The following LRP1B variants were observed in gnomAD, a reference collection of about 807,000 sequenced individuals.
LRP1B encodes LDL receptor related protein 1B, also known as low-density lipoprotein receptor-related protein 1B.
A neutral mutation model predicts 556.6 loss-of-function variants in LRP1B; 217 were observed. The ratio of observed to expected loss-of-function variants is 0.39; its 90% CI spans 0.35 to 0.44. LRP1B has a LOEUF of 0.44. LRP1B is among the 20% of genes least tolerant of loss of function. The pLI is 1.00. For synonymous variants in LRP1B, 2,047 were observed against 1,865.8 expected (o/e 1.10, Z -2.50); for missense variants, 5,053 against 5,620.8 (o/e 0.90, Z 3.23).
At chr2:141,810,153 G>GAAGT (rs1440257074) in intron 2 of LRP1B, 126 bp downstream of exon 2, 129 of 436,750 alleles carry the variant, frequency 3.0e-4, no homozygotes, top group Non-Finnish European at 1.3e-4. Context: ...AAGAAAGAAA[G>GAAGT]AAAGAAAGAA....
intron 35 of LRP1B, among the ~76,000 whole-genome samples, chr2:140,764,817 A>G (rs977506537): frequency 3.3e-5 from 5 of 152,164 alleles, no homozygotes; most frequent in Non-Finnish European, 5.9e-5. Flanking sequence ...CGTTAACATT[A>G]GGGTTCACTC....
chr2:140,932,474 T>C (rs1194631609), intron 20 of LRP1B, among the ~76,000 whole-genome samples: 1 of 152,132 alleles, frequency 6.6e-6, no homozygotes, highest in Non-Finnish European at 1.5e-5. Context: ...AAGCCTAAAA[T>C]ATTTACTGTC....
chr2:141,825,092 G>C (rs2105736073), intron 1 of LRP1B, among the ~76,000 whole-genome samples: 1 of 152,328 alleles, frequency 6.6e-6, no homozygotes, highest in African/African-American at 2.4e-5. Context: ...GCGGAACTGT[G>C]AGTCAATTAA....
intron 63 of LRP1B, among the ~76,000 whole-genome samples, chr2:140,445,746 A>G (rs1414719915): frequency 6.6e-6 from 1 of 152,166 alleles, no homozygotes; most frequent in Non-Finnish European, 1.5e-5. Context: ...TTTTAGCAAG[A>G]GTAAACTAAA....
rs1004536452 is a variant in LRP1B at position 140,929,774 on chromosome 2, A to G, written c.3137-6627T>C. 1.9e-3 allele frequency among the ~76,000 whole-genome samples: 293 copies of G among 151,426 alleles called. 2 individuals carry two copies. The highest frequency in any genetic ancestry group is 6.4e-3 in the African/African-American group (265 of 41,322). On this transcript the variant is annotated intron_variant, in intron 20 of 90. Coordinates refer to ENST00000389484, the MANE Select transcript of LRP1B (RefSeq NM_018557.3). ...TATAGACTCACACACACACACACAC[A>G]CACACACACACACACACACACAGTT...
At chr2:140,572,052 A>G (rs1009219426) in intron 43 of LRP1B, among the ~76,000 whole-genome samples, 1 of 151,762 alleles carries the variant, frequency 6.6e-6, no homozygotes, top group East Asian at 1.9e-4. Flanking sequence ...AAGAAAACAT[A>G]AAGGAAATGC....
intron 3 of LRP1B, among the ~76,000 whole-genome samples, chr2:141,479,590 G>A (rs1296698312): frequency 1.3e-5 from 2 of 152,086 alleles, no homozygotes; most frequent in Non-Finnish European, 2.9e-5. Context: ...CTCAGTCTAT[G>A]AGAATCTGAG....
chr2:141,146,184 A>G (rs557476938), intron 7 of LRP1B, among the ~76,000 whole-genome samples: 1 of 152,040 alleles, frequency 6.6e-6, no homozygotes, highest in South Asian at 2.1e-4. Context: ...CTCAGCTCCC[A>G]AAGTGCTGGG....
intron 1 of LRP1B, among the ~76,000 whole-genome samples, chr2:142,029,242 C>T (rs1333122293): frequency 2.0e-5 from 3 of 151,794 alleles, no homozygotes; most frequent in Admixed American, 2.0e-4. Context: ...TATGGAGTTA[C>T]AAATTAAGAC....
chr2:141,924,911 C>CT (rs910380407), intron 1 of LRP1B, among the ~76,000 whole-genome samples: 75 of 152,060 alleles, frequency 4.9e-4, no homozygotes, highest in African/African-American at 1.7e-3. Flanking sequence ...TGATTTTTCT[C>CT]TTTTTTTTCC....
At position 140,260,721 on chromosome 2, in the gene LRP1B, A is replaced by T. The variant is rs147847145; in HGVS notation, c.13247+9521T>A. On this transcript the variant is annotated intron_variant, in intron 86 of 90. Transcript: ENST00000389484. ...ATTTACTTAAGGTCTTTACGCAAATACCATCATCTCAGGAAGGCTTTCACT... is the reference window on the plus strand; with the variant it reads ...ATTTACTTAAGGTCTTTACGCAAATTCCATCATCTCAGGAAGGCTTTCACT... 2.0e-3 allele frequency among the ~76,000 whole-genome samples: 297 copies of T among 151,960 alleles called. 5 individuals are homozygous for T. The highest frequency in any genetic ancestry group is 6.8e-3 in the Middle Eastern group (2 of 294).
intron 27 of LRP1B, among the ~76,000 whole-genome samples, chr2:140,854,563 C>G (rs1270423501): frequency 6.6e-6 from 1 of 152,118 alleles, no homozygotes; most frequent in East Asian, 1.9e-4. Flanking sequence ...ATTCCAATTA[C>G]CAAATTTAAA....
intron 9 of LRP1B, among the ~76,000 whole-genome samples, chr2:141,058,465 A>AG (rs1699245741): frequency 6.6e-6 from 1 of 151,930 alleles, no homozygotes; most frequent in African/African-American, 2.4e-5. Context: ...TATGTGTTAA[A>AG]GAACAATTGC....
At chr2:141,393,537 A>T (rs1198917230) in intron 3 of LRP1B, among the ~76,000 whole-genome samples, 1 of 152,214 alleles carries the variant, frequency 6.6e-6, no homozygotes, top group Non-Finnish European at 1.5e-5. Flanking sequence ...CTTTTAAAAA[A>T]TAATTATTCC....
chr2:141,048,736 C>G (rs536118128), intron 11 of LRP1B, among the ~76,000 whole-genome samples: 1 of 152,064 alleles, frequency 6.6e-6, no homozygotes, highest in Admixed American at 6.6e-5. Flanking sequence ...GATAATAGTT[C>G]AGTTTTAATT....
intron 2 of LRP1B, among the ~76,000 whole-genome samples, chr2:141,730,914 T>A (rs1693247238): frequency 6.6e-6 from 1 of 152,174 alleles, no homozygotes; most frequent in Non-Finnish European, 1.5e-5. Context: ...TTTTGGCATG[T>A]AAATACTCCT....
chr2:141,685,616 C>A (rs548961345), intron 2 of LRP1B, among the ~76,000 whole-genome samples: 1 of 151,834 alleles, frequency 6.6e-6, no homozygotes, highest in South Asian at 2.1e-4. Flanking sequence ...CTAGGTGAGC[C>A]CAGTGTAATC....
chr2:140,492,595 G>A lies in LRP1B; in HGVS notation c.9120+13C>T, dbSNP rs765551211. On this transcript the variant is annotated intron_variant, in intron 57 of 90. Transcript: ENST00000389484. ...ATGTTAAATGTTACGGTGTCATCTT[G>A]GGAGTGTCATACCTGTTTTAAAAGT... The A allele has an allele frequency of 6.3e-7, 1 of 1,589,686 alleles. No homozygotes were observed. Among genetic ancestry groups the A allele is most frequent in the East Asian group, 2.2e-5 (1 of 44,722 alleles).
intron 7 of LRP1B, among the ~76,000 whole-genome samples, chr2:141,121,201 A>G (rs1701038887): frequency 6.6e-6 from 1 of 152,018 alleles, no homozygotes; most frequent in Non-Finnish European, 1.5e-5. Context: ...TCAGATTTAA[A>G]TGCAATAATC....
Sources: gnomAD v4.1 joint callset for allele counts (sites outside exome capture counted in the v4.1 genomes callset) on GRCh38, gnomAD v4.1.1 for gene constraint, MANE v1.5 for transcripts, NCBI Gene and HGNC (gene_info 2026-07-23, HGNC 2026-07-21) for gene names.